KAZN: variants seen among roughly 807,000 people sequenced by gnomAD.
KAZN encodes kazrin, periplakin interacting protein, also known as kazrin.
In KAZN, 40 loss-of-function variants were observed where a neutral mutation model predicts 87.4. That is an observed-to-expected ratio of 0.46 (90% CI 0.36 to 0.60). The LOEUF (loss-of-function observed/expected upper bound fraction) is 0.60, where lower values mean the gene tolerates loss of function less well. Among genes scored for constraint, KAZN ranks in the 20% least tolerant of loss-of-function variants. The probability of loss-of-function intolerance (pLI) is 0.00; values close to 1 mark genes in which losing one functional copy is unlikely to be tolerated. For synonymous variants in KAZN, 466 were observed against 458.3 expected (o/e 1.02, Z -0.22); for missense variants, 898 against 1,073.9 (o/e 0.84, Z 2.29).
upstream of KAZN, among the ~76,000 whole-genome samples, chr1:14,594,759 T>TCCCAGGACA (rs1440168722): frequency 6.6e-6 from 1 of 152,148 alleles, no homozygotes; most frequent in East Asian, 1.9e-4. Flanking sequence ...TGCAGGTGTG[T>TCCCAGGACA]CCCAGGACAC....
chr1:14,317,823 A>C (rs1299129381), intron 2 of KAZN, among the ~76,000 whole-genome samples: 1 of 151,996 alleles, frequency 6.6e-6, no homozygotes, highest in Non-Finnish European at 1.5e-5. Flanking sequence ...GGTTTGCTAT[A>C]CATCATTTCA....
chr1:15,087,622 G>A (rs1222548099), intron 8 of KAZN, among the ~76,000 whole-genome samples: 1 of 152,108 alleles, frequency 6.6e-6, no homozygotes, highest in Non-Finnish European at 1.5e-5. Context: ...CTTGACCTCA[G>A]GTGATCCACC....
chr1:15,110,172 T>C (rs1641484360), intron 13 of KAZN, among the ~76,000 whole-genome samples: 1 of 144,302 alleles, frequency 6.9e-6, no homozygotes, highest in Admixed American at 7.3e-5. Flanking sequence ...TGTTTGTGTG[T>C]GTATATGTGT....
At chr1:14,979,105 T>A (rs1665970819) in intron 2 of KAZN, among the ~76,000 whole-genome samples, 1 of 151,670 alleles carries the variant, frequency 6.6e-6, no homozygotes, top group Non-Finnish European at 1.5e-5. Context: ...GCGTTCACCA[T>A]GTCGGCCAGG....
intron 2 of KAZN, among the ~76,000 whole-genome samples, chr1:14,194,846 G>A (rs1646493991): frequency 1.3e-5 from 2 of 152,098 alleles, no homozygotes; most frequent in Non-Finnish European, 2.9e-5. Context: ...GTATAATTTG[G>A]GAGTCTGGCA....
intron 2 of KAZN, among the ~76,000 whole-genome samples, chr1:14,487,675 C>T (rs1262233871): frequency 1.3e-5 from 2 of 152,178 alleles, no homozygotes; most frequent in Non-Finnish European, 2.9e-5. Context: ...TGAACCAATG[C>T]GGGAATACCT....
chr1:14,824,999 C>A (rs560272758), intron 1 of KAZN, among the ~76,000 whole-genome samples: 2 of 152,380 alleles, frequency 1.3e-5, no homozygotes, highest in East Asian at 1.9e-4. Flanking sequence ...CTGCTGTGAG[C>A]CCCAAATGCT....
At chr1:14,086,572 C>T (rs1643865661) in intron 1 of KAZN, among the ~76,000 whole-genome samples, 2 of 152,176 alleles carry the variant, frequency 1.3e-5, no homozygotes, top group Admixed American at 6.5e-5. Context: ...TTCACATTTA[C>T]TCTAAAGAAC....
intron 1 of KAZN, among the ~76,000 whole-genome samples, chr1:13,928,351 A>T (rs910139053): frequency 6.6e-6 from 1 of 152,202 alleles, no homozygotes; most frequent in Non-Finnish European, 1.5e-5. Flanking sequence ...CCATAGTAAC[A>T]GCTTCTCTGA....
rs1252748053 is a variant in KAZN at position 15,057,338 on chromosome 1, G to T, written c.916+1058G>T. On this transcript the variant is annotated intron_variant, in intron 5 of 14. Transcript: ENST00000376030. ...AACGTACGTTAAAGACGTTTGCTGAGACTTCCTTTACCTACTTCATGGAGC... is the reference window on the plus strand; with the variant it reads ...AACGTACGTTAAAGACGTTTGCTGATACTTCCTTTACCTACTTCATGGAGC... 2.0e-5 allele frequency among the ~76,000 whole-genome samples: 3 copies of T among 152,256 alleles called. No individual in the cohort carries two copies. The East Asian group carries it at 5.8e-4, about 29-fold the overall frequency.
intron 1 of KAZN, among the ~76,000 whole-genome samples, chr1:13,943,211 A>G (rs1279899767): frequency 6.6e-6 from 1 of 152,216 alleles, no homozygotes; most frequent in Non-Finnish European, 1.5e-5. Context: ...AGAGAGAAGA[A>G]GATACTACTT....
intron 1 of KAZN, among the ~76,000 whole-genome samples, chr1:14,138,081 C>CTGTGTGTGTGTGTG (rs144840101): frequency 1.5e-5 from 2 of 134,058 alleles, no homozygotes; most frequent in African/African-American, 6.1e-5. Flanking sequence ...ATAAATGTTA[C>CTGTGTGTGTGTGTG]AGTGTGTGTG....
chr1:14,767,451 T>C (rs1644914588), intron 1 of KAZN, among the ~76,000 whole-genome samples: 1 of 152,232 alleles, frequency 6.6e-6, no homozygotes, highest in South Asian at 2.1e-4. Context: ...GGGGCAAGAA[T>C]GCACCAAGCC....
At chr1:14,485,236 C>T (rs1005434392) in intron 2 of KAZN, among the ~76,000 whole-genome samples, 17 of 152,204 alleles carry the variant, frequency 1.1e-4, no homozygotes, top group African/African-American at 1.4e-4. Flanking sequence ...TCATTGACCA[C>T]GTTGCATTCA....
intron 2 of KAZN, among the ~76,000 whole-genome samples, chr1:14,392,715 G>C (rs954744067): frequency 6.6e-6 from 1 of 152,048 alleles, no homozygotes; most frequent in Non-Finnish European, 1.5e-5. Context: ...AAAAGTCTGC[G>C]AACATTGCCA....
In KAZN at chr1:14,056,640, C is replaced by T. The variant is rs1015202014; in HGVS notation, c.92-123795C>T. 3.4e-4 allele frequency among the ~76,000 whole-genome samples: 51 copies of T among 152,132 alleles called. 1 individual carries two copies. The highest frequency in any genetic ancestry group is 2.3e-3 in the Admixed American group (35 of 15,282). ...AAGTAATACGCCACCCTTATGTCAC[C>T]GATAAGGAGACCGAAGTTCAGAGAG... is the stretch of plus-strand genomic sequence containing the variant. On this transcript the variant is annotated intron_variant, in intron 1 of 16. Transcript: ENST00000636203.
At chr1:14,179,117 A>G (rs1646143037) in intron 1 of KAZN, among the ~76,000 whole-genome samples, 1 of 152,110 alleles carries the variant, frequency 6.6e-6, no homozygotes, top group African/African-American at 2.4e-5. Context: ...GTAGAGTTTT[A>G]TCCTGCCCAG....
intron 1 of KAZN, among the ~76,000 whole-genome samples, chr1:14,622,560 G>A (rs1163941238): frequency 4.6e-5 from 7 of 151,900 alleles, no homozygotes; most frequent in African/African-American, 1.4e-4. Context: ...GCGTGGTGGC[G>A]GGTGCCTGTA....
At chr1:14,823,131 C>T (rs986198515) in intron 1 of KAZN, among the ~76,000 whole-genome samples, 1 of 152,216 alleles carries the variant, frequency 6.6e-6, no homozygotes, top group Non-Finnish European at 1.5e-5. Context: ...GCCTTCTGGG[C>T]ATGTGGCACC....
Sources: allele counts gnomAD v4.1 joint callset (sites outside exome capture counted in the v4.1 genomes callset), GRCh38; gene constraint gnomAD v4.1.1; transcripts MANE v1.5; gene names NCBI Gene and HGNC (gene_info 2026-07-23, HGNC 2026-07-21).